Variants in UNC5D observed in about 807,000 individuals in gnomAD.
UNC5D encodes unc-5 netrin receptor D, also known as netrin receptor UNC5D.
In UNC5D, 39 loss-of-function variants were observed where a neutral mutation model predicts 105.4. The observed-to-expected ratio is 0.37, with a 90% CI of 0.29 to 0.48. The LOEUF is 0.48. Ranked by LOEUF, UNC5D falls within the 20% of genes least tolerant of loss-of-function variation. UNC5D has a pLI of 0.98. For synonymous variants in UNC5D, 452 were observed against 450.4 expected (o/e 1.00, Z -0.04); for missense variants, 991 against 1,202.4 (o/e 0.82, Z 2.60).
At chr8:35,762,487 AG>A (rs1340224895) in intron 14 of UNC5D, among the ~76,000 whole-genome samples, 3 of 152,214 alleles carry the variant, frequency 2.0e-5, no homozygotes, top group African/African-American at 7.2e-5. Context: ...AGAAAACCTG[AG>A]GCCCACGATG....
At chr8:35,302,838 T>C (rs1367397519) in intron 1 of UNC5D, among the ~76,000 whole-genome samples, 1 of 152,170 alleles carries the variant, frequency 6.6e-6, no homozygotes, top group African/African-American at 2.4e-5. Context: ...TAATACTTTA[T>C]ATGTATACAT....
intron 9 of UNC5D, 75 bp downstream of exon 9, chr8:35,722,470 C>A (rs1019965050): frequency 1.3e-6 from 2 of 1,519,670 alleles, no homozygotes; most frequent in Admixed American, 2.1e-5. Context: ...CAGCCTTCTC[C>A]TGGGCCCTGT....
chr8:35,304,116 GT>G (rs1003289384), intron 1 of UNC5D, among the ~76,000 whole-genome samples: 3 of 150,528 alleles, frequency 2.0e-5, no homozygotes, highest in East Asian at 1.9e-4. Context: ...CCTGGACTTG[GT>G]TTTTTTTTCC....
rs1181579171 is a variant in UNC5D, at chr8:35,274,326, A to C, written c.103+38439A>C. Among the ~76,000 whole-genome samples, 8 of 152,378 alleles carry C rather than the reference A, an allele frequency of 5.3e-5. No homozygotes were observed. In the East Asian group the frequency reaches 1.5e-3, roughly 29 times the overall value. ...AAATCTCTAGAGAAGGATTTGTCTT[A>C]AGAACTCATTGCTTAAGTTCAGCAT... On this transcript the variant is annotated intron_variant, in intron 1 of 16. Coordinates refer to ENST00000404895, the MANE Select transcript of UNC5D (RefSeq NM_080872.4).
chr8:35,491,808 T>C (rs892590068), intron 1 of UNC5D, among the ~76,000 whole-genome samples: 3 of 152,230 alleles, frequency 2.0e-5, no homozygotes, highest in African/African-American at 7.2e-5. Flanking sequence ...TTATTTATTC[T>C]ACTCTTAGAC....
chr8:35,600,628 C>A (rs1233174214), intron 4 of UNC5D, among the ~76,000 whole-genome samples: 2 of 152,112 alleles, frequency 1.3e-5, no homozygotes, highest in African/African-American at 4.8e-5. Context: ...TATCCTTCGC[C>A]CACTTTTTGA....
At position 35,795,540 on chromosome 8, in the gene UNC5D, A is replaced by T. The variant is rs970904128; in HGVS notation, c.*4977A>T. On this transcript the variant is annotated 3_prime_UTR_variant, in exon 17 of 17. Coordinates refer to ENST00000404895, the MANE Select transcript of UNC5D (RefSeq NM_080872.4). ...CCTTATGACCCCATTACTGAAACACAGACATTACAATCAGAAATAGACCTA... is the reference window on the plus strand; with the variant it reads ...CCTTATGACCCCATTACTGAAACACTGACATTACAATCAGAAATAGACCTA... The T allele has an allele frequency of 1.3e-5, 2 of 152,302 alleles. No individual in the cohort carries two copies. The highest frequency in any genetic ancestry group is 2.9e-5 in the Non-Finnish European group (2 of 68,024). The allele number at this position is 152,302 out of a possible 1,614,324, so 9.4% of individuals were successfully genotyped here. A position where few individuals can be genotyped will look rare whatever the true frequency, so the allele number is the denominator to read the frequency against.
At chr8:35,395,877 C>T (rs1249979707) in intron 1 of UNC5D, among the ~76,000 whole-genome samples, 1 of 152,158 alleles carries the variant, frequency 6.6e-6, no homozygotes, top group Non-Finnish European at 1.5e-5. Flanking sequence ...CTCGATTCTT[C>T]AGCACAGGAT....
chr8:35,362,750 C>G (rs1254297598), intron 1 of UNC5D, among the ~76,000 whole-genome samples: 5 of 152,078 alleles, frequency 3.3e-5, no homozygotes, highest in Non-Finnish European at 7.4e-5. Flanking sequence ...GATTAGTATG[C>G]CTTTTCAGTA....
chr8:35,652,915 ATTTTTTTTTTTTT>A (rs34611902), intron 4 of UNC5D, among the ~76,000 whole-genome samples: 6 of 49,144 alleles, frequency 1.2e-4, no homozygotes, highest in African/African-American at 1.9e-4. Flanking sequence ...ACAAGTGAGG[ATTTTTTTTTTTTT>A]TTTTTTTTTT....
intron 11 of UNC5D, among the ~76,000 whole-genome samples, chr8:35,746,631 T>C (rs1035872958): frequency 4.6e-5 from 7 of 152,194 alleles, no homozygotes; most frequent in Admixed American, 2.6e-4. Flanking sequence ...AAAGGAGTCT[T>C]GCTATTCACA....
Position 35,609,610 on chromosome 8 carries a change from A to T in UNC5D, c.570+13953A>T, listed in dbSNP as rs186268933. Among the ~76,000 whole-genome samples the T allele has an allele frequency of 7.5e-4, 114 of 152,296 alleles. 2 individuals carry two copies. Among genetic ancestry groups the T allele is most frequent in the African/African-American group, 2.4e-3 (100 of 41,558 alleles). On this transcript the variant is annotated intron_variant, in intron 4 of 16. Coordinates refer to ENST00000404895, the MANE Select transcript of UNC5D (RefSeq NM_080872.4). Reference sequence around the variant, plus strand: ...ATGTATCATTCTGCCTATTAATTTCATAGTGATATGAGTATACTATAGGTA... The same window carrying T: ...ATGTATCATTCTGCCTATTAATTTCTTAGTGATATGAGTATACTATAGGTA...
At chr8:35,777,059 G>T (rs1802282161) in intron 16 of UNC5D, among the ~76,000 whole-genome samples, 1 of 152,190 alleles carries the variant, frequency 6.6e-6, no homozygotes, top group Non-Finnish European at 1.5e-5. Flanking sequence ...TTCGAGACCA[G>T]CCTGACCAAC....
intron 2 of UNC5D, among the ~76,000 whole-genome samples, chr8:35,550,560 C>G (rs752627649): frequency 6.6e-6 from 1 of 152,114 alleles, no homozygotes; most frequent in Non-Finnish European, 1.5e-5. Flanking sequence ...CAACGATATT[C>G]TATATAACAA....
intron 3 of UNC5D, among the ~76,000 whole-genome samples, chr8:35,593,203 C>T (rs1819286247): frequency 6.6e-6 from 1 of 152,068 alleles, no homozygotes; most frequent in Non-Finnish European, 1.5e-5. Context: ...GTCTTTTCAC[C>T]TGATAACTTA....
intron 14 of UNC5D, among the ~76,000 whole-genome samples, chr8:35,760,421 T>G (rs1441945537): frequency 6.6e-6 from 1 of 150,564 alleles, no homozygotes. Flanking sequence ...TATTAGAGAT[T>G]TAAAAAAAAA....
chr8:35,521,815 TA>T (rs1331774131), intron 1 of UNC5D, among the ~76,000 whole-genome samples: 84 of 152,348 alleles, frequency 5.5e-4, no homozygotes, highest in African/African-American at 1.8e-3. Context: ...TCAAAATTGT[TA>T]AAAGGTTACA....
At chr8:35,246,089 A>G (rs143237787) in intron 1 of UNC5D, among the ~76,000 whole-genome samples, 1 of 152,244 alleles carries the variant, frequency 6.6e-6, no homozygotes, top group East Asian at 1.9e-4. Flanking sequence ...AAAGTTCACA[A>G]TTATGTGTAC....
intron 1 of UNC5D, among the ~76,000 whole-genome samples, chr8:35,511,945 T>C (rs556941558): frequency 1.0e-3 from 156 of 152,282 alleles, no homozygotes; most frequent in African/African-American, 3.6e-3. Flanking sequence ...GAGATGGTCT[T>C]GACAGGCAAT....
Sources: allele counts gnomAD v4.1 joint callset (sites outside exome capture counted in the v4.1 genomes callset), GRCh38; gene constraint gnomAD v4.1.1; transcripts MANE v1.5; gene names NCBI Gene and HGNC (gene_info 2026-07-23, HGNC 2026-07-21).